Variants in TRAK1 observed in about 807,000 individuals in gnomAD.
The protein encoded by TRAK1 is trafficking kinesin-binding protein 1.
Under a neutral mutation model 92.1 loss-of-function variants are expected in TRAK1, and 33 were observed. That is an observed-to-expected ratio of 0.36 (90% CI 0.27 to 0.48). The LOEUF is 0.48. Ranked by LOEUF, TRAK1 falls within the 20% of genes least tolerant of loss-of-function variation. The probability of loss-of-function intolerance (pLI) is 0.99; values close to 1 mark genes in which losing one functional copy is unlikely to be tolerated. For synonymous variants in TRAK1, 521 were observed against 517.3 expected, an observed-to-expected ratio of 1.01 and a Z score of -0.10; for missense variants, 1,123 against 1,257.9, an observed-to-expected ratio of 0.89 and a Z score of 1.62.
intron 2 of TRAK1, among the ~76,000 whole-genome samples, chr3:42,128,640 CT>C (rs1169125076): frequency 4.6e-5 from 7 of 152,260 alleles, no homozygotes; most frequent in Admixed American, 4.6e-4. Flanking sequence ...GCAGCATTTC[CT>C]TTAGTTATGA....
chr3:42,201,009 A>T lies in TRAK1; in HGVS notation c.1382A>T (p.Asn461Ile), dbSNP rs1404624820. Residue 461 changes from asparagine to isoleucine, a missense_variant, in exon 12 of 16, where the codon AAC becomes ATC. By Grantham distance (149) the Asn-to-Ile change is moderately radical. Coordinates refer to ENST00000327628, the MANE Select transcript of TRAK1 (RefSeq NM_001042646.3). ...GACATAGGCAACGTCGTCCTCGACA[A>T]CAAGACCAACAGCATCATTCTGGAA... The part of the protein sequence containing the change: ...GSDIGNVVLD[N>I]KTNSIILETE... The T allele has an allele frequency of 6.2e-7, 1 of 1,614,196 alleles. No individual in the cohort carries two copies. Among genetic ancestry groups the T allele is most frequent in the Admixed American group, 1.7e-5 (1 of 60,024 alleles).
At chr3:42,089,241 G>T (rs2173337), upstream of TRAK1, among the ~76,000 whole-genome samples, 2 of 152,154 alleles carry the variant, frequency 1.3e-5, no homozygotes, top group African/African-American at 2.4e-5. Flanking sequence ...TCTGTTGGCT[G>T]TATCTTCAGA....
intron 14 of TRAK1, among the ~76,000 whole-genome samples, chr3:42,215,181 C>G (rs1184486538): frequency 6.6e-6 from 1 of 152,168 alleles, no homozygotes; most frequent in African/African-American, 2.4e-5. Flanking sequence ...ACAGGAAAGT[C>G]TTTAGAGCAT....
rs1705167684 is a variant in TRAK1 at position 42,188,141 on chromosome 3, A to G, written c.577A>G (p.Thr193Ala). 2 of 1,614,004 alleles carry G rather than the reference A, an allele frequency of 1.2e-6. No individual in the cohort carries two copies. Among genetic ancestry groups the G allele is most frequent in the Non-Finnish European group, 1.7e-6 (2 of 1,180,002 alleles). ...EESEPESVCS[T>A]PLKRNESSSS... ...GAGTGAGCCCGAGTCCGTTTGCTCAACCCCGTAAGTCACCAGAGGGCTGTA... is the reference window on the plus strand; with the variant it reads ...GAGTGAGCCCGAGTCCGTTTGCTCAGCCCCGTAAGTCACCAGAGGGCTGTA... Residue 193 changes from threonine to alanine, a missense_variant, in exon 5 of 16, where the codon ACC becomes GCC. Around this residue, in one of 3 missense-constraint regions of TRAK1, gnomAD observed 686 missense variants for 747.6 expected, o/e 0.92. Transcript: ENST00000327628.
At chr3:42,030,119 A>G (rs1462231059) in intron 1 of TRAK1, among the ~76,000 whole-genome samples, 1 of 152,158 alleles carries the variant, frequency 6.6e-6, no homozygotes, top group Non-Finnish European at 1.5e-5. Context: ...ACATTTACAT[A>G]ATTTTAAAAT....
At position 42,196,413 on chromosome 3, in the gene TRAK1, T is replaced by C. The variant is rs528340324; in HGVS notation, c.1113+1472T>C. 4.3e-4 allele frequency among the ~76,000 whole-genome samples: 66 copies of C among 152,354 alleles called. 1 individual carries two copies. Among genetic ancestry groups the C allele is most frequent in the African/African-American group, 1.6e-3 (65 of 41,578 alleles). ...GGGGGGGGCCTGTGAAATTAGTTCC[T>C]AATTGTACTCAATATTTCCTTCCTG... On this transcript the variant is annotated intron_variant, in intron 10 of 15. Transcript: ENST00000327628.
chr3:42,138,427 C>G (rs1698224254), intron 2 of TRAK1, among the ~76,000 whole-genome samples: 1 of 152,070 alleles, frequency 6.6e-6, no homozygotes, highest in Non-Finnish European at 1.5e-5. Context: ...AGCGAAAATG[C>G]AAAGACATAT....
At chr3:42,080,235 G>A (rs889547536) in intron 1 of TRAK1, among the ~76,000 whole-genome samples, 2 of 152,128 alleles carry the variant, frequency 1.3e-5, no homozygotes, top group Admixed American at 6.5e-5. Context: ...CTGGCATAAC[G>A]TTGAACAACC....
chr3:42,088,738 C>T (rs1018145798), upstream of TRAK1, among the ~76,000 whole-genome samples: 4 of 152,168 alleles, frequency 2.6e-5, no homozygotes, highest in African/African-American at 9.7e-5. Context: ...CACACTGTTG[C>T]CAAGTCCTGT....
At chr3:42,086,430 T>C (rs889683818), upstream of TRAK1, among the ~76,000 whole-genome samples, 3 of 151,532 alleles carry the variant, frequency 2.0e-5, no homozygotes, top group Non-Finnish European at 4.4e-5. Context: ...CTCAACCTCC[T>C]GAGTAACTGG....
chr3:42,090,680 CAAA>C (rs1205513758), upstream of TRAK1, among the ~76,000 whole-genome samples: 5 of 151,868 alleles, frequency 3.3e-5, no homozygotes, highest in Non-Finnish European at 7.4e-5. Context: ...GAGACTCTCT[CAAA>C]AAAACAAAAC....
rs1707445506 is a variant in TRAK1 at position 42,200,971 on chromosome 3, C to T, written c.1344C>T (p.Ser448=). 1 of 1,614,092 alleles carries T rather than the reference C, an allele frequency of 6.2e-7. No individual in the cohort carries two copies. The highest frequency in any genetic ancestry group is 1.3e-5 in the African/African-American group (1 of 74,934). Residue 448 remains serine, a synonymous_variant, in exon 12 of 16, where the codon AGC becomes AGT. Transcript: ENST00000327628. The part of the protein sequence containing the change: ...LSSCVSTPRS[S]FYGSDIGNVV... ...GCTGCGTCAGCACCCCCCGGTCCAG[C>T]TTCTACGGCAGCGACATAGGCAACG...
chr3:42,036,984 A>G (rs570670081), intron 1 of TRAK1, among the ~76,000 whole-genome samples: 1 of 152,086 alleles, frequency 6.6e-6, no homozygotes, highest in African/African-American at 2.4e-5. Context: ...TGCTGCTTGA[A>G]TCATCATAAT....
chr3:42,120,336 T>G (rs755795749), intron 1 of TRAK1, among the ~76,000 whole-genome samples: 2 of 152,134 alleles, frequency 1.3e-5, no homozygotes, highest in Non-Finnish European at 2.9e-5. Context: ...CATTTTGACT[T>G]GTTTACATTA....
At chr3:42,182,417 C>T (rs374331035) in intron 3 of TRAK1, among the ~76,000 whole-genome samples, 1 of 151,880 alleles carries the variant, frequency 6.6e-6, no homozygotes, top group East Asian at 1.9e-4. Flanking sequence ...CTCAGCCTCC[C>T]GAGTCGCTGG....
intron 1 of TRAK1, among the ~76,000 whole-genome samples, chr3:42,074,852 C>G (rs141259938): frequency 1.6e-3 from 245 of 152,282 alleles, no homozygotes; most frequent in Admixed American, 3.3e-3. Flanking sequence ...TCCTCCTACG[C>G]TCCACCTTCA....
At chr3:42,209,551 A>C (rs908939666) in intron 13 of TRAK1, among the ~76,000 whole-genome samples, 1 of 152,088 alleles carries the variant, frequency 6.6e-6, no homozygotes, top group Admixed American at 6.5e-5. Context: ...TTAACTTGCT[A>C]TTCCTTCTGA....
chr3:42,172,120 C>T (rs1393570556), intron 2 of TRAK1, among the ~76,000 whole-genome samples: 1 of 152,182 alleles, frequency 6.6e-6, no homozygotes, highest in Non-Finnish European at 1.5e-5. Context: ...CCTCTTATCT[C>T]AAAGTGGATT....
intron 2 of TRAK1, among the ~76,000 whole-genome samples, chr3:42,148,155 CA>C (rs1177820627): frequency 6.6e-6 from 1 of 152,104 alleles, no homozygotes; most frequent in Non-Finnish European, 1.5e-5. Context: ...GGTTCTCAAC[CA>C]AGCAGTTTTA....
Sources: gnomAD v4.1 joint callset for allele counts (sites outside exome capture counted in the v4.1 genomes callset) on GRCh38, gnomAD v4.1.1 for gene constraint, gnomAD v4.1.1 regional missense constraint, MANE v1.5 for transcripts, NCBI Gene and HGNC (gene_info 2026-07-23, HGNC 2026-07-21) for gene names.